The following RAB27B variants were observed in gnomAD, a reference collection of about 807,000 sequenced individuals.
RAB27B encodes ras-related protein Rab-27B.
In RAB27B, 15 loss-of-function variants were observed where a neutral mutation model predicts 24.6. That is an observed-to-expected ratio of 0.61 (90% CI 0.41 to 0.94). RAB27B has a LOEUF of 0.94. Among genes scored for constraint, RAB27B ranks in the 40% least tolerant of loss-of-function variants. The pLI is 0.00. For missense variants in RAB27B, 261 were observed against 266.8 expected, an observed-to-expected ratio of 0.98 and a Z score of 0.15; for synonymous variants, 105 against 92.5, an observed-to-expected ratio of 1.14 and a Z score of -0.78.
rs117527295 is a variant in RAB27B, at chr18:54,797,126, T to C, written c.-20+78985T>C. Reference sequence around the variant, plus strand: ...TAAGTGGGTGCAAATAAATGATATATGCAGAAAGGCAAACAGACATTTGAG... The same window carrying C: ...TAAGTGGGTGCAAATAAATGATATACGCAGAAAGGCAAACAGACATTTGAG... On this transcript the variant is annotated intron_variant, in intron 2 of 4. Transcript: ENST00000586570. 2.4e-3 allele frequency among the ~76,000 whole-genome samples: 373 copies of C among 152,304 alleles called. 2 individuals carry two copies. The highest frequency in any genetic ancestry group is 4.2e-3 in the Non-Finnish European group (284 of 68,018).
intron 2 of RAB27B, among the ~76,000 whole-genome samples, chr18:54,726,693 A>T (rs1382986498): frequency 1.3e-5 from 2 of 151,680 alleles, no homozygotes; most frequent in African/African-American, 4.8e-5. Flanking sequence ...AGGTCCTTGT[A>T]AAACATATTA....
In RAB27B at chr18:54,890,499, A is replaced by G. The variant is rs1340178733; in HGVS notation, c.*1086A>G. ...TCCTTTTAGTTTACAAAAGTACTGG[A>G]AACTAAATCATATTTCTTCCCTCCA... On this transcript the variant is annotated 3_prime_UTR_variant, in exon 6 of 6. Transcript: ENST00000262094. 2.0e-5 allele frequency: 3 copies of G among 152,180 alleles called. No homozygotes were observed. The highest frequency in any genetic ancestry group is 2.0e-4 in the Admixed American group (3 of 15,266). 9.4% of individuals were successfully genotyped at this position (152,180 alleles called of 1,614,324 possible). A position where few individuals can be genotyped will look rare whatever the true frequency, so the allele number is the denominator to read the frequency against.
At chr18:54,840,689 TG>T (rs1483709747) in intron 1 of RAB27B, among the ~76,000 whole-genome samples, 1 of 152,198 alleles carries the variant, frequency 6.6e-6, no homozygotes, top group Non-Finnish European at 1.5e-5. Flanking sequence ...TATCCTCTCT[TG>T]TAGAAAGGGC....
At chr18:54,817,861 A>G (rs1910168120) in intron 2 of RAB27B, among the ~76,000 whole-genome samples, 1 of 151,854 alleles carries the variant, frequency 6.6e-6, no homozygotes, top group South Asian at 2.1e-4. Context: ...CCTATTGGAT[A>G]TATTCTCTTG....
chr18:54,845,992 A>G (rs73956709), intron 1 of RAB27B, among the ~76,000 whole-genome samples: 1,689 of 152,304 alleles, frequency 0.011, 32 homozygotes, highest in African/African-American at 0.039. Flanking sequence ...GGTGCTGTAC[A>G]TTCTTGTTTT....
chr18:54,809,983 T>C (rs1371011288), intron 2 of RAB27B, among the ~76,000 whole-genome samples: 3 of 152,180 alleles, frequency 2.0e-5, no homozygotes, highest in Admixed American at 1.3e-4. Flanking sequence ...ATTCTGACTG[T>C]TCAGCTTTTC....
chr18:54,747,832 G>T (rs1222491037), intron 2 of RAB27B, among the ~76,000 whole-genome samples: 1 of 152,168 alleles, frequency 6.6e-6, no homozygotes, highest in Admixed American at 6.5e-5. Context: ...TCTCGGCTGG[G>T]CTTGGTGGCT....
At chr18:54,728,875 CA>C (rs56161105) in intron 2 of RAB27B, among the ~76,000 whole-genome samples, 9 of 36,674 alleles carry the variant, frequency 2.5e-4, no homozygotes, top group East Asian at 1.1e-3. Flanking sequence ...GACTCTGTCT[CA>C]AAAAAAAAAA....
chr18:54,761,508 A>G (rs1260903795), intron 2 of RAB27B, among the ~76,000 whole-genome samples: 1 of 152,202 alleles, frequency 6.6e-6, no homozygotes, highest in Non-Finnish European at 1.5e-5. Flanking sequence ...TAAAACAGGA[A>G]ATGTTACCCT....
chr18:54,882,005 G>A (rs1409354911), intron 3 of RAB27B, among the ~76,000 whole-genome samples: 1 of 152,142 alleles, frequency 6.6e-6, no homozygotes, highest in Non-Finnish European at 1.5e-5. Flanking sequence ...AGACAATTTT[G>A]TGGGTACAGC....
At chr18:54,849,688 T>C (rs1393550023) in intron 1 of RAB27B, among the ~76,000 whole-genome samples, 1 of 152,106 alleles carries the variant, frequency 6.6e-6, no homozygotes, top group Admixed American at 6.5e-5. Flanking sequence ...TCCACTGCAC[T>C]CCAGCCTGGG....
intron 5 of RAB27B, among the ~76,000 whole-genome samples, chr18:54,888,664 C>A (rs550928022): frequency 6.6e-6 from 1 of 151,720 alleles, no homozygotes; most frequent in Non-Finnish European, 1.5e-5. Flanking sequence ...AATTGACTTC[C>A]GTGGCAGAAT....
intron 2 of RAB27B, among the ~76,000 whole-genome samples, chr18:54,772,314 T>A (rs1473252346): frequency 6.6e-6 from 1 of 152,210 alleles, no homozygotes; most frequent in Non-Finnish European, 1.5e-5. Flanking sequence ...TGTGCTTACA[T>A]GCTATGGACC....
intron 1 of RAB27B, among the ~76,000 whole-genome samples, chr18:54,836,187 C>T (rs772115176): frequency 1.3e-4 from 19 of 151,922 alleles, no homozygotes; most frequent in South Asian, 2.1e-4. Context: ...TTCTACATTG[C>T]GGTTTTCTTT....
chr18:54,868,603 C>CGTT (rs9319919), intron 1 of RAB27B, among the ~76,000 whole-genome samples: 36,524 of 150,884 alleles, frequency 0.24, 4,517 homozygotes, highest in East Asian at 0.41. Flanking sequence ...CTCTCAGTTT[C>CGTT]GTTGTTGTTG....
chr18:54,780,025 A>ACGG, intron 2 of RAB27B, among the ~76,000 whole-genome samples: 1 of 135,748 alleles, frequency 7.4e-6, no homozygotes, highest in Admixed American at 7.6e-5. Flanking sequence ...CCTTCTCCTG[A>ACGG]CTGCTTCCCC....
At position 54,783,134 on chromosome 18, in the gene RAB27B, A is replaced by G. The variant is rs188837095; in HGVS notation, c.-20+64993A>G. Among the ~76,000 whole-genome samples the G allele has an allele frequency of 2.9e-3, 436 of 151,232 alleles. 6 individuals carry two copies. The highest frequency in any genetic ancestry group is 0.028 in the South Asian group (135 of 4,738). ...CATGATGCCTGGCTAATTTTTTTAA[A>G]ATTTTTTTATTTTTATTAGAGACGG... On this transcript the variant is annotated intron_variant, in intron 2 of 4. Coordinates refer to the RAB27B transcript ENST00000586570.
chr18:54,837,572 G>T (rs144342186), intron 1 of RAB27B, among the ~76,000 whole-genome samples: 118 of 152,112 alleles, frequency 7.8e-4, no homozygotes, highest in African/African-American at 2.7e-3. Context: ...GATAATGACT[G>T]GGAAATGCAG....
In RAB27B at chr18:54,889,227, A is replaced by C. The variant is rs1441582980; in HGVS notation, c.471A>C (p.Ile157=). 1 of 1,607,596 alleles carries C rather than the reference A, an allele frequency of 6.2e-7. No individual in the cohort carries two copies. Residue 157 remains isoleucine, a synonymous_variant, in exon 6 of 6, where the codon ATA becomes ATC. Transcript: ENST00000262094. Reference sequence around the variant, plus strand: ...TTTGCCATCCTTTCTATGCTAGCATACCATATTTTGAAACAAGTGCAGCAA... The same window carrying C: ...TTTGCCATCCTTTCTATGCTAGCATCCCATATTTTGAAACAAGTGCAGCAA... ...QARELADKYG[I]PYFETSAATG...
Sources: allele counts gnomAD v4.1 joint callset (sites outside exome capture counted in the v4.1 genomes callset), GRCh38; gene constraint gnomAD v4.1.1; transcripts MANE v1.5; gene names NCBI Gene and HGNC (gene_info 2026-07-23, HGNC 2026-07-21).